KANSL1: variants seen among roughly 807,000 people sequenced by gnomAD.
The protein encoded by KANSL1 is KAT8 regulatory NSL complex subunit 1.
Under a neutral mutation model 103.6 loss-of-function variants are expected in KANSL1, and 22 were observed. The ratio of observed to expected loss-of-function variants is 0.21; its 90% CI spans 0.15 to 0.30. The LOEUF is 0.30. Ranked by LOEUF, KANSL1 falls within the 10% of genes least tolerant of loss-of-function variation. The probability of loss-of-function intolerance (pLI) is 1.00; values close to 1 mark genes in which losing one functional copy is unlikely to be tolerated. For missense variants in KANSL1, 1,337 were observed against 1,399.8 expected (o/e 0.96, Z 0.72); for synonymous variants, 600 against 527.6 (o/e 1.14, Z -1.88).
intron 4 of KANSL1, among the ~76,000 whole-genome samples, chr17:46,074,195 A>G (rs1205231557): frequency 1.3e-5 from 2 of 152,198 alleles, no homozygotes; most frequent in African/African-American, 4.8e-5. Context: ...AAGTATTTCA[A>G]AATATAAGCG....
chr17:46,053,721 A>C (rs2077812089), intron 6 of KANSL1, among the ~76,000 whole-genome samples: 1 of 152,214 alleles, frequency 6.6e-6, no homozygotes, highest in Middle Eastern at 3.2e-3. Flanking sequence ...GGCATGAGCC[A>C]CCGCACCCGG....
chr17:46,050,304 A>C, intron 7 of KANSL1: 2 of 567,678 alleles, frequency 3.5e-6, no homozygotes, highest in South Asian at 4.8e-5. Flanking sequence ...CCTCCTAGCT[A>C]CTTGAAGAGT....
chr17:46,059,641 AAAAAAAAG>A (rs966362386), intron 6 of KANSL1, among the ~76,000 whole-genome samples: 10 of 26,028 alleles, frequency 3.8e-4, no homozygotes, highest in Non-Finnish European at 7.9e-4. Context: ...AAAAAAAAAA[AAAAAAAAG>A]AGAGAGAGAG....
chr17:46,130,469 A>G (rs1308281559), intron 2 of KANSL1, among the ~76,000 whole-genome samples: 5 of 152,250 alleles, frequency 3.3e-5, no homozygotes, highest in Non-Finnish European at 7.3e-5. Flanking sequence ...TGGGGGTCAC[A>G]GTGGGCATTT....
At chr17:46,040,217 AT>A in intron 7 of KANSL1, 2 of 326,240 alleles carry the variant, frequency 6.1e-6, no homozygotes, top group Non-Finnish European at 1.1e-5. Flanking sequence ...TTAAAAACAT[AT>A]TTAAGCCTAC....
At chr17:46,097,067 A>G (rs2042118501) in intron 2 of KANSL1, among the ~76,000 whole-genome samples, 1 of 152,254 alleles carries the variant, frequency 6.6e-6, no homozygotes, top group African/African-American at 2.4e-5. Flanking sequence ...TAAACTACAC[A>G]TTCCTCTGCA....
At chr17:46,199,427 G>T (rs1227682991) in intron 1 of KANSL1, among the ~76,000 whole-genome samples, 1 of 152,084 alleles carries the variant, frequency 6.6e-6, no homozygotes, top group African/African-American at 2.4e-5. Context: ...CAGAAATCAA[G>T]ATTTTTTTTC....
intron 1 of KANSL1, among the ~76,000 whole-genome samples, chr17:46,181,603 T>A (rs1405964313): frequency 2.6e-5 from 4 of 152,204 alleles, no homozygotes; most frequent in Non-Finnish European, 5.9e-5. Flanking sequence ...CTAATTTTTT[T>A]GTAATTTTAG....
intron 7 of KANSL1, among the ~76,000 whole-genome samples, chr17:46,048,673 A>C (rs1328258104): frequency 6.6e-6 from 1 of 152,234 alleles, no homozygotes; most frequent in Non-Finnish European, 1.5e-5. Context: ...AATTCAATGA[A>C]ACCAATCCAG....
chr17:46,135,159 GAA>G (rs67775973), intron 2 of KANSL1, among the ~76,000 whole-genome samples: 6 of 146,162 alleles, frequency 4.1e-5, no homozygotes, highest in Non-Finnish European at 6.0e-5. Context: ...ATAACTTGGG[GAA>G]AAAAAAAAGC....
intron 1 of KANSL1, among the ~76,000 whole-genome samples, chr17:46,187,000 G>C (rs1357611251): frequency 6.6e-6 from 1 of 152,116 alleles, no homozygotes; most frequent in East Asian, 1.9e-4. Flanking sequence ...CCAAGGTGCT[G>C]GGATTACAGG....
intron 1 of KANSL1, among the ~76,000 whole-genome samples, chr17:46,188,243 CTT>C (rs989489186): frequency 6.6e-6 from 1 of 152,150 alleles, no homozygotes; most frequent in Admixed American, 6.5e-5. Context: ...GGATATTTGT[CTT>C]TTCTAATTCA....
rs545607980 is a variant in KANSL1, at chr17:46,212,062, C to T, written c.-90+11609G>A. 2.6e-4 allele frequency among the ~76,000 whole-genome samples: 39 copies of T among 152,272 alleles called. No homozygotes were observed. In the South Asian group the frequency reaches 6.8e-3, roughly 27 times the overall value. ...GAGGCTGGTTGGTATAGACTTCCTT[C>T]CATTCTTTTACCTCAGTATGTATGT... On this transcript the variant is annotated intron_variant, in intron 1 of 14. Coordinates refer to the KANSL1 transcript ENST00000572904.
rs1252802223 is a variant in KANSL1 at position 46,055,337 on chromosome 17, C to T, written c.1849-4633G>A. The stretch of plus-strand genomic sequence containing the variant: ...AAAATTAGCCGGGCATGGTGGCGGG[C>T]GCCTGTAATCCCAGCTACTCGGGAG... On this transcript the variant is annotated intron_variant, in intron 6 of 14. Coordinates refer to ENST00000432791, the MANE Select transcript of KANSL1 (RefSeq NM_015443.4). Among the ~76,000 whole-genome samples, 3 of 151,656 alleles carry T rather than the reference C, an allele frequency of 2.0e-5. No individual in the cohort carries two copies. In the East Asian group the frequency reaches 5.9e-4, roughly 30 times the overall value.
chr17:46,187,494 A>G (rs902185980), intron 1 of KANSL1, among the ~76,000 whole-genome samples: 29 of 152,176 alleles, frequency 1.9e-4, no homozygotes, highest in African/African-American at 7.0e-4. Flanking sequence ...CACTCAATCT[A>G]CCTCCACTTT....
rs188241269 is a variant in KANSL1 at position 46,127,340 on chromosome 17, G to A, written c.1290-32639C>T. Among the ~76,000 whole-genome samples the A allele has an allele frequency of 2.1e-4, 32 of 152,256 alleles. No individual in the cohort carries two copies. The East Asian group carries it at 6.2e-3, about 29-fold the overall frequency. On this transcript the variant is annotated intron_variant, in intron 2 of 14. Coordinates refer to ENST00000432791, the MANE Select transcript of KANSL1 (RefSeq NM_015443.4). Reference sequence around the variant, plus strand: ...AAAAAAGAACAATAAAAAATGAGCTGGAAAACCTACATTCATCATCTTCAA... The same window carrying A: ...AAAAAAGAACAATAAAAAATGAGCTAGAAAACCTACATTCATCATCTTCAA...
chr17:46,136,194 T>C lies in KANSL1; in HGVS notation c.1289+34661A>G, dbSNP rs879940043. Among the ~76,000 whole-genome samples the C allele has an allele frequency of 9.2e-5, 14 of 152,292 alleles. 1 individual carries two copies. Among genetic ancestry groups the C allele is most frequent in the Middle Eastern group, 6.8e-3 (2 of 294 alleles). ...ATGTATTTGGGAAAATAATAATCCA[T>C]GGTAAAAGTCACAAAAAGACCTTAA... On this transcript the variant is annotated intron_variant, in intron 2 of 14. Coordinates refer to ENST00000432791, the MANE Select transcript of KANSL1 (RefSeq NM_015443.4).
chr17:46,095,882 TAATA>T (rs1320324400), intron 2 of KANSL1, among the ~76,000 whole-genome samples: 2 of 152,000 alleles, frequency 1.3e-5, no homozygotes, highest in Non-Finnish European at 2.9e-5. Flanking sequence ...AAAAGGCAAA[TAATA>T]AATATATAAA....
At chr17:46,155,824 T>C (rs1006256659) in intron 2 of KANSL1, among the ~76,000 whole-genome samples, 6 of 152,152 alleles carry the variant, frequency 3.9e-5, no homozygotes, top group African/African-American at 1.4e-4. Context: ...TACCAACACT[T>C]TGGGAGGCTG....
Sources: gnomAD v4.1 joint callset for allele counts (sites outside exome capture counted in the v4.1 genomes callset) on GRCh38, gnomAD v4.1.1 for gene constraint, MANE v1.5 for transcripts, NCBI Gene and HGNC (gene_info 2026-07-23, HGNC 2026-07-21) for gene names.